The following GIMAP8 variants were observed in gnomAD, a reference collection of about 807,000 sequenced individuals.
GIMAP8 encodes the protein GTPase IMAP family member 8.
Under a neutral mutation model 35.6 loss-of-function variants are expected in GIMAP8, and 29 were observed. The ratio of observed to expected loss-of-function variants is 0.81; its 90% CI spans 0.61 to 1.11. GIMAP8 has a LOEUF of 1.11. Ranked by LOEUF, GIMAP8 falls within the 50% of genes most tolerant of loss-of-function variation. The pLI is 0.00. For synonymous variants in GIMAP8, 335 were observed against 308.7 expected (o/e 1.09, Z -0.89); for missense variants, 811 against 805.0 (o/e 1.01, Z -0.09).
intron 3 of GIMAP8, 144 bp downstream of exon 3, chr7:150,471,018 C>G (rs1563286093): frequency 1.5e-6 from 1 of 667,578 alleles, no homozygotes; most frequent in South Asian, 1.7e-5. Flanking sequence ...CACAAGCTAT[C>G]CCCTAGGAAA....
chr7:150,457,774 C>G (rs57614330), intron 1 of GIMAP8, among the ~76,000 whole-genome samples: 3,163 of 152,242 alleles, frequency 0.021, 126 homozygotes, highest in African/African-American at 0.073. Flanking sequence ...CTGTTTTACC[C>G]CTGTCAGATT....
At chr7:150,457,870 C>T (rs1361167343) in intron 1 of GIMAP8, among the ~76,000 whole-genome samples, 1 of 152,224 alleles carries the variant, frequency 6.6e-6, no homozygotes, top group African/African-American at 2.4e-5. Context: ...TCCACAGGCT[C>T]CACCTTGCTC....
Position 150,477,671 on chromosome 7 carries a change from G to A in GIMAP8, c.1889G>A (p.Trp630Ter). The change falls in exon 5 of 5, where the codon TGG (tryptophan) becomes TAG (stop). Residue 630 changes from tryptophan to a stop codon, truncating the protein, a stop_gained. Transcript: ENST00000307271. LOFTEE classifies it low-confidence loss of function (END_TRUNC). Reference sequence around the variant, plus strand: ...AATGATCTGAGAAAAGAAAGTGGGTGGTCCGGGTATCCCCATACACAGGAG... The same window carrying A: ...AATGATCTGAGAAAAGAAAGTGGGTAGTCCGGGTATCCCCATACACAGGAG... ...KVNDLRKESG[W>*]SGYPHTQENV... is the part of the protein sequence containing the mutation. The A allele has an allele frequency of 1.2e-6, 2 of 1,614,140 alleles. No homozygotes were observed. Among genetic ancestry groups the A allele is most frequent in the Non-Finnish European group, 1.7e-6 (2 of 1,180,034 alleles).
rs767113572 is a variant in GIMAP8, at chr7:150,467,299, C to A, written c.601C>A (p.His201Asn). Residue 201 changes from histidine (H) to asparagine (N), a missense_variant, in exon 2 of 5, where the codon CAT becomes AAT. Physicochemically the swap from His to Asn is moderately conservative, Grantham distance 68. Coordinates refer to ENST00000307271, the MANE Select transcript of GIMAP8 (RefSeq NM_175571.4). ...SLVNTNGGPY[H>N]VNFKTEGSRF... is the part of the protein sequence containing the mutation. ...GGTGAATACGAACGGAGGACCCTAT[C>A]ATGTGAACTTCAAAACTGAAGGCAG... 1.2e-6 allele frequency: 2 copies of A among 1,613,274 alleles called. No homozygotes were observed. The highest frequency in any genetic ancestry group is 1.7e-6 in the Non-Finnish European group (2 of 1,179,276).
At chr7:150,470,580 G>A (rs931420330) in intron 2 of GIMAP8, among the ~76,000 whole-genome samples, 7 of 151,966 alleles carry the variant, frequency 4.6e-5, no homozygotes, top group African/African-American at 1.5e-4. Context: ...GGAAGGAGAC[G>A]TTGGAAACAT....
intron 1 of GIMAP8, among the ~76,000 whole-genome samples, chr7:150,465,930 G>C (rs1236352160): frequency 6.6e-6 from 1 of 152,164 alleles, no homozygotes; most frequent in African/African-American, 2.4e-5. Flanking sequence ...TCTATCTTAT[G>C]GATTAGGACA....
At position 150,477,419 on chromosome 7, in the gene GIMAP8, C is replaced by T. The variant is rs146125013; in HGVS notation, c.1637C>T (p.Ala546Val). Reference sequence around the variant, plus strand: ...ACTGAAGAGGACAAAACAGCTGTGGCGAAACTGGAGGCCATCTTTGGAGCA... The same window carrying T: ...ACTGAAGAGGACAAAACAGCTGTGGTGAAACTGGAGGCCATCTTTGGAGCA... ...RFTEEDKTAV[A>V]KLEAIFGADF... The change falls in exon 5 of 5, where the codon GCG (alanine) becomes GTG (valine). Residue 546 changes from alanine (A) to valine (V), a missense_variant. Ala to Val is a moderately conservative substitution (Grantham distance 64, BLOSUM62 0). Coordinates refer to ENST00000307271, the MANE Select transcript of GIMAP8 (RefSeq NM_175571.4). The T allele has an allele frequency of 8.1e-6, 13 of 1,613,714 alleles. No homozygotes were observed. Among genetic ancestry groups the T allele is most frequent in the East Asian group, 4.5e-5 (2 of 44,880 alleles).
intron 4 of GIMAP8, among the ~76,000 whole-genome samples, chr7:150,476,314 T>C (rs143739690): frequency 5.9e-5 from 9 of 152,346 alleles, no homozygotes; most frequent in African/African-American, 1.9e-4. Flanking sequence ...ACTGTCACAG[T>C]GCAAGTGCAA....
chr7:150,452,709 T>TATATATACAC (rs1373884339), intron 1 of GIMAP8, among the ~76,000 whole-genome samples: 2,012 of 106,352 alleles, frequency 0.019, 27 homozygotes, highest in East Asian at 0.059. Context: ...TATATATATA[T>TATATATACAC]ACATGCGAGT....
At chr7:150,470,755 TTTTTTTTTTTTTTCA>T in intron 2 of GIMAP8, 59 bp from the exon 3 acceptor site, 6 of 689,594 alleles carry the variant, frequency 8.7e-6, no homozygotes, top group Non-Finnish European at 1.4e-5. Context: ...CCTTTTTTTT[TTTTTTTTTTTTTTCA>T]GTTTGTGGAA....
chr7:150,466,947 C>T lies in GIMAP8; in HGVS notation c.249C>T (p.Ile83=). Residue 83 remains isoleucine, a synonymous_variant, in exon 2 of 5, where the codon ATC becomes ATT. Transcript: ENST00000307271. The stretch of plus-strand genomic sequence containing the variant: ...GTGCTGAAGACAAGCAACGCAACAT[C>T]CAACACTGCTTGGAGCTCTCTGCTC... ...IACAEDKQRN[I]QHCLELSAPS... is the part of the protein sequence containing the mutation. 6.2e-7 allele frequency: 1 copy of T among 1,614,200 alleles called. No individual in the cohort carries two copies. The highest frequency in any genetic ancestry group is 2.2e-5 in the East Asian group (1 of 44,880).
chr7:150,469,804 G>C (rs1044457599), intron 2 of GIMAP8, among the ~76,000 whole-genome samples: 5 of 152,072 alleles, frequency 3.3e-5, no homozygotes, highest in South Asian at 2.1e-4. Context: ...ACCGAAGATT[G>C]ATCAATGAAA....
chr7:150,471,235 A>G (rs183124402), intron 3 of GIMAP8, among the ~76,000 whole-genome samples: 4 of 152,310 alleles, frequency 2.6e-5, no homozygotes, highest in East Asian at 3.9e-4. Context: ...CATGGACAAC[A>G]CCAACTTGGA....
intron 1 of GIMAP8, among the ~76,000 whole-genome samples, chr7:150,456,393 CT>C (rs1801729891): frequency 6.6e-6 from 1 of 152,170 alleles, no homozygotes; most frequent in Admixed American, 6.5e-5. Flanking sequence ...CCCTCAACTC[CT>C]GGCTCCTGCT....
chr7:150,452,675 G>GATATATATATATATATATAT lies in GIMAP8; in HGVS notation c.-29+1516_-29+1535dup, dbSNP rs373374121. Among the ~76,000 whole-genome samples, 52 of 79,636 alleles carry GATATATATATATATATATAT rather than the reference G, an allele frequency of 6.5e-4. 2 individuals are homozygous for GATATATATATATATATATAT. The highest frequency in any genetic ancestry group is 1.3e-3 in the African/African-American group (25 of 18,830). The allele number at this position is 79,636 out of a possible 152,430, so 52.2% of individuals were successfully genotyped here. ...TATATGTGTGTGTGTGTGTGTGTGA[G>GATATATATATATATATATAT]ATATATATATATATATATATATATA... On this transcript the variant is annotated intron_variant, in intron 1 of 4. Transcript: ENST00000307271.
Position 150,467,185 on chromosome 7 carries a change from G to A in GIMAP8, c.487G>A (p.Gly163Ser). ...PLKQLVQDYEGRYCIFNNKTN... is the reference protein window; with the variant it reads ...PLKQLVQDYESRYCIFNNKTN... ...CAAGCAGTTGGTTCAAGACTATGAG[G>A]GCCGATACTGCATTTTCAACAACAA... The change falls in exon 2 of 5, where the codon GGC becomes AGC. Residue 163 changes from glycine (G) to serine (S), a missense_variant. Coordinates refer to ENST00000307271, the MANE Select transcript of GIMAP8 (RefSeq NM_175571.4). The A allele has an allele frequency of 1.2e-6, 2 of 1,614,174 alleles. No homozygotes were observed. Among genetic ancestry groups the A allele is most frequent in the Non-Finnish European group, 8.5e-7 (1 of 1,180,052 alleles).
chr7:150,477,895 G>A lies in GIMAP8; in HGVS notation c.*115G>A. 1.3e-6 allele frequency: 1 copy of A among 745,416 alleles called. No homozygotes were observed. Among genetic ancestry groups the A allele is most frequent in the Non-Finnish European group, 2.2e-6 (1 of 455,384 alleles). The allele number at this position is 745,416 out of a possible 1,614,324, so 46.2% of individuals were successfully genotyped here. ...CGGGTTCATGGCTTTGAGGGCCTGA[G>A]AGGCAAATGCATCCCGCCTTGTGAT... On this transcript the variant is annotated 3_prime_UTR_variant, in exon 5 of 5. Coordinates refer to ENST00000307271, the MANE Select transcript of GIMAP8 (RefSeq NM_175571.4).
At chr7:150,469,553 C>T (rs1437002375) in intron 2 of GIMAP8, among the ~76,000 whole-genome samples, 2 of 152,086 alleles carry the variant, frequency 1.3e-5, no homozygotes, top group Non-Finnish European at 2.9e-5. Flanking sequence ...CTTACAAAGT[C>T]GTTAACAAAT....
chr7:150,463,130 G>A (rs1801874980), intron 1 of GIMAP8, among the ~76,000 whole-genome samples: 2 of 151,536 alleles, frequency 1.3e-5, no homozygotes, highest in Non-Finnish European at 1.5e-5. Context: ...TGAAGCTCTT[G>A]GTTATATTTT....
Sources: gnomAD v4.1 joint callset for allele counts (sites outside exome capture counted in the v4.1 genomes callset) on GRCh38, gnomAD v4.1.1 for gene constraint, MANE v1.5 for transcripts, NCBI Gene and HGNC (gene_info 2026-07-23, HGNC 2026-07-21) for gene names.